The following SYNM variants were observed in gnomAD, a reference collection of about 807,000 sequenced individuals.
SYNM encodes the protein synemin, also known as desmuslin.
A neutral mutation model predicts 104.0 loss-of-function variants in SYNM; 95 were observed. The observed-to-expected ratio is 0.91, with a 90% CI of 0.77 to 1.08. The LOEUF is 1.08. Among genes scored for constraint, SYNM ranks in the 50% least tolerant of loss-of-function variants. The pLI is 0.00. For synonymous variants in SYNM, 918 were observed against 869.0 expected (o/e 1.06, Z -0.99); for missense variants, 2,150 against 2,052.2 (o/e 1.05, Z -0.92).
At chr15:99,141,617 G>A in the SYNM span, among the ~76,000 whole-genome samples, 1 of 152,182 alleles carries the variant, frequency 6.6e-6, no homozygotes, top group Non-Finnish European at 1.5e-5. Context: ...AAAAAAAAGT[G>A]TGAGGGTTTG....
intron 2 of SYNM, among the ~76,000 whole-genome samples, chr15:99,121,751 C>G (rs2067403442): frequency 6.6e-6 from 1 of 152,166 alleles, no homozygotes; most frequent in Non-Finnish European, 1.5e-5. Context: ...AAAACAGAAC[C>G]TTTCAGAAAA....
chr15:99,137,703 G>A (rs782385351), downstream of SYNM: 6 of 348,064 alleles, frequency 1.7e-5, no homozygotes, highest in African/African-American at 4.1e-5. Flanking sequence ...TGCACAGGGC[G>A]CACTGAACTG....
intron 2 of SYNM, 39 bp downstream of exon 2, chr15:99,113,754 G>A (rs1361448330): frequency 3.1e-6 from 5 of 1,609,694 alleles, no homozygotes; most frequent in Middle Eastern, 1.7e-4. Context: ...ACGAAGCCAT[G>A]GGGGTGTAAC....
In SYNM at chr15:99,131,869, CTG is replaced by C. The variant is rs2067513051; in HGVS notation, c.3512_3513del (p.Val1171GlufsTer60). On this transcript the variant is annotated frameshift_variant, in exon 4 of 4. Transcript: ENST00000336292. LOFTEE classifies it high-confidence loss of function. The surrounding 1 kb of genome is among the most constrained non-coding windows in gnomAD (Gnocchi z 4.3). ...GCGAGCCCGACCGGAGCCAGCCGGT[CTG>C]TGAGGCATGTCACGCTGGGTCCCGG... 1 of 1,613,974 alleles carries C rather than the reference CTG, an allele frequency of 6.2e-7. No individual in the cohort carries two copies. Among genetic ancestry groups the C allele is most frequent in the Non-Finnish European group, 8.5e-7 (1 of 1,179,900 alleles).
intron 1 of SYNM, among the ~76,000 whole-genome samples, chr15:99,110,499 C>T (rs980810030): frequency 3.3e-5 from 5 of 152,206 alleles, no homozygotes; most frequent in African/African-American, 9.6e-5. Flanking sequence ...ATAAATACTT[C>T]GTCGGCATCC....
chr15:99,121,843 CAG>C (rs34450299), intron 2 of SYNM, among the ~76,000 whole-genome samples: 11,553 of 152,280 alleles, frequency 0.076, 486 homozygotes, highest in Admixed American at 0.12. Context: ...GATGCAGAAA[CAG>C]TGTGCGTGAC....
chr15:99,132,884 TG>T lies in SYNM; in HGVS notation c.4525del (p.Ala1509LeufsTer28). The T allele has an allele frequency of 1.2e-6, 2 of 1,613,784 alleles. No homozygotes were observed. Among genetic ancestry groups the T allele is most frequent in the South Asian group, 2.2e-5 (2 of 91,050 alleles). ...CAGTTGGTGTGAGCTTTAAGGCCTC[TG>T]CTGGGGAAGGAGACCAGGCCCACAG... ...QAVGVSFKAS[A>X]GEGDQAHREQ... is the part of the protein sequence containing the mutation. On this transcript the variant is annotated frameshift_variant, in exon 4 of 4. Transcript: ENST00000336292. LOFTEE classifies it high-confidence loss of function.
chr15:99,131,484 C>T lies in SYNM; in HGVS notation c.3124C>T (p.Gln1042Ter). The change falls in exon 4 of 4, where the codon CAA becomes TAA. Residue 1042 changes from glutamine (Q) to a stop codon, truncating the protein, a stop_gained. Coordinates refer to ENST00000336292, the MANE Select transcript of SYNM (RefSeq NM_145728.3). LOFTEE classifies it high-confidence loss of function. This position sits in a 1 kb window ranked among gnomAD's most constrained non-coding sequence, Gnocchi z 4.3. ...GGTGGTTCGGGAGAGCCTGAGCAGG[C>T]AACGCAGCCCAGCGCCTGGCAGCCC... ...ESVVRESLSR[Q>*]RSPAPGSPDE... 1 of 1,606,068 alleles carries T rather than the reference C, an allele frequency of 6.2e-7. No individual in the cohort carries two copies.
intron 2 of SYNM, among the ~76,000 whole-genome samples, chr15:99,114,604 C>T (rs1330379564): frequency 6.6e-6 from 1 of 152,004 alleles, no homozygotes; most frequent in African/African-American, 2.4e-5. Context: ...TAATGTAGGC[C>T]AACTGGCTTT....
intron 2 of SYNM, among the ~76,000 whole-genome samples, chr15:99,121,620 G>C (rs77958135): frequency 0.018 from 2,739 of 152,300 alleles, 82 homozygotes; most frequent in African/African-American, 0.062. Context: ...TCTCACTGCC[G>C]ATGTGAAGAC....
rs180787652 is a variant in SYNM at position 99,132,393 on chromosome 15, G to A, written c.4033G>A (p.Gly1345Arg). 31 of 1,613,962 alleles carry A rather than the reference G, an allele frequency of 1.9e-5. No individual in the cohort carries two copies. Among genetic ancestry groups the A allele is most frequent in the African/African-American group, 1.1e-4 (8 of 75,052 alleles). The change falls in exon 4 of 4, where the codon GGA becomes AGA. Residue 1345 changes from glycine (G) to arginine (R), a missense_variant. By Grantham distance (125) the Gly-to-Arg change is moderately radical (BLOSUM62 -2). Transcript: ENST00000336292. ...TGGTGACTCAGAGAGCACTGTGCAC[G>A]GAGAGGGCTCAGCAGATGTGCACCA... ...ESGDSESTVH[G>R]EGSADVHQAT...
chr15:99,115,073 G>A (rs1009342601), intron 2 of SYNM, among the ~76,000 whole-genome samples: 6 of 152,188 alleles, frequency 3.9e-5, no homozygotes, highest in Non-Finnish European at 8.8e-5. Context: ...AGGCCGGGAG[G>A]TTGGGGCTGC....
intron 1 of SYNM, among the ~76,000 whole-genome samples, chr15:99,107,567 C>G (rs1300545249): frequency 6.6e-6 from 1 of 152,204 alleles, no homozygotes; most frequent in Non-Finnish European, 1.5e-5. Flanking sequence ...ACAGCCACAG[C>G]TCACTTGGCA....
At chr15:99,112,582 G>A (rs965967621) in intron 1 of SYNM, among the ~76,000 whole-genome samples, 1 of 152,244 alleles carries the variant, frequency 6.6e-6, no homozygotes, top group Admixed American at 6.5e-5. Context: ...TCAGAAGGCC[G>A]CAGTATCTCC....
Position 99,129,975 on chromosome 15 carries a change from T to C in SYNM, c.1615T>C (p.Trp539Arg), listed in dbSNP as rs551837344. Residue 539 changes from tryptophan to arginine, a missense_variant, in exon 4 of 4, where the codon TGG (tryptophan) becomes CGG (arginine). Physicochemically the swap from Trp to Arg is moderately radical, Grantham distance 101. Coordinates refer to ENST00000336292, the MANE Select transcript of SYNM (RefSeq NM_145728.3). ...GGCTTCCGAGGAGAGAAACCTAAGA[T>C]GGGAAGAATTGACAAAGTTAGATAA... ...EKASEERNLR[W>R]EELTKLDKEA... The C allele has an allele frequency of 9.9e-6, 16 of 1,611,838 alleles. No homozygotes were observed. In the East Asian group the frequency reaches 1.1e-4, roughly 11 times the overall value.
At position 99,132,296 on chromosome 15, in the gene SYNM, C is replaced by T; in HGVS notation, c.3936C>T (p.Ser1312=). 1.9e-6 allele frequency: 3 copies of T among 1,610,552 alleles called. No individual in the cohort carries two copies. Among genetic ancestry groups the T allele is most frequent in the Non-Finnish European group, 2.5e-6 (3 of 1,177,364 alleles). The stretch of plus-strand genomic sequence containing the variant: ...GCAGCACATCCATCAGGCACATCAG[C>T]ATTGGGCCTCAGAGGCATCAGACCA... ...PGSSTSIRHI[S]IGPQRHQTTQ... Residue 1312 remains serine, a synonymous_variant, in exon 4 of 4, where the codon AGC becomes AGT. Coordinates refer to ENST00000336292, the MANE Select transcript of SYNM (RefSeq NM_145728.3).
chr15:99,137,824 G>A (rs782181307), downstream of SYNM: 11 of 883,702 alleles, frequency 1.2e-5, no homozygotes, highest in Non-Finnish European at 1.8e-5. Flanking sequence ...CACCCTGAAG[G>A]GCATCCACTG....
intron 2 of SYNM, among the ~76,000 whole-genome samples, chr15:99,116,128 C>G (rs1252614401): frequency 2.6e-5 from 4 of 152,234 alleles, no homozygotes; most frequent in African/African-American, 9.6e-5. Flanking sequence ...GAGAGCCTTG[C>G]TGCCACTGAG....
chr15:99,106,133 GC>G, intron 1 of SYNM, 124 bp downstream of exon 1: 1 of 1,074,368 alleles, frequency 9.3e-7, no homozygotes, highest in Non-Finnish European at 1.2e-6. Flanking sequence ...GGTAGGGCCC[GC>G]CCAGAGGGTG....
Sources: allele counts gnomAD v4.1 joint callset (sites outside exome capture counted in the v4.1 genomes callset), GRCh38; gene constraint gnomAD v4.1.1; non-coding constraint Gnocchi (gnomAD v3.1); transcripts MANE v1.5; gene names NCBI Gene and HGNC (gene_info 2026-07-23, HGNC 2026-07-21).